GNG4: variants seen among roughly 807,000 people sequenced by gnomAD.
The protein encoded by GNG4 is G protein subunit gamma 4.
GNG4 carries 4 observed loss-of-function variants against 5.8 expected under a neutral mutation model. The observed-to-expected ratio is 0.69, with a 90% CI of 0.34 to 1.57. The LOEUF is 1.57. GNG4 is among the 40% of genes most tolerant of loss of function. The probability of loss-of-function intolerance (pLI) is 0.06; values close to 1 mark genes in which losing one functional copy is unlikely to be tolerated. For missense variants in GNG4, 96 were observed against 95.1 expected (o/e 1.01, Z -0.04); for synonymous variants, 29 against 32.9 (o/e 0.88, Z 0.41).
chr1:235,635,025 C>G (rs1689007265), intron 1 of GNG4, among the ~76,000 whole-genome samples: 1 of 152,152 alleles, frequency 6.6e-6, no homozygotes, highest in Non-Finnish European at 1.5e-5. Flanking sequence ...CGGGTATAGA[C>G]AGTGAATAAA....
At chr1:235,583,718 G>A (rs751023166) in intron 3 of GNG4, 22 bp downstream of exon 3, 20 of 1,477,548 alleles carry the variant, frequency 1.4e-5, no homozygotes, top group Middle Eastern at 1.8e-4. Flanking sequence ...GCGGAGGGTG[G>A]GGCTGACGCA....
intron 1 of GNG4, chr1:235,616,263 C>A: frequency 2.1e-6 from 1 of 486,948 alleles, no homozygotes; most frequent in South Asian, 1.6e-5. Context: ...TTCCCTGAGA[C>A]GAATGAGGTC....
rs1686637440 is a variant in GNG4 at position 235,548,352 on chromosome 1, G to C, written c.*3757C>G. 1 of 152,250 alleles carries C rather than the reference G, an allele frequency of 6.6e-6. No homozygotes were observed. The highest frequency in any genetic ancestry group is 6.5e-5 in the Admixed American group (1 of 15,286). The allele number at this position is 152,250 out of a possible 1,614,324, so 9.4% of individuals were successfully genotyped here. On this transcript the variant is annotated 3_prime_UTR_variant, in exon 4 of 4. Coordinates refer to ENST00000391854, the MANE Select transcript of GNG4 (RefSeq NM_001098722.2). ...GGTGGAGGCGGAGACAGCTCAGCGA[G>C]TCCAAGGAGTGGAGCAGAAATGACA...
chr1:235,612,391 A>G (rs1436832238), intron 1 of GNG4, among the ~76,000 whole-genome samples: 3 of 152,122 alleles, frequency 2.0e-5, no homozygotes, highest in African/African-American at 7.2e-5. Context: ...TCATGGTGCA[A>G]ACAGACGGGG....
At position 235,642,040 on chromosome 1, in the gene GNG4, C is replaced by A. The variant is rs1657343748; in HGVS notation, c.-123+7622G>T. On this transcript the variant is annotated intron_variant, in intron 1 of 3. Coordinates refer to ENST00000391854, the MANE Select transcript of GNG4 (RefSeq NM_001098722.2). This position sits in a 1 kb window ranked among gnomAD's most constrained non-coding sequence, Gnocchi z 4.3. ...TTTTCGCTTCCCCCGCAACTGCCTG[C>A]GTTTTCGTAGCCCTAGAGCTTCCAA... 6.6e-6 allele frequency among the ~76,000 whole-genome samples: 1 copy of A among 152,226 alleles called. No individual in the cohort carries two copies. Among genetic ancestry groups the A allele is most frequent in the African/African-American group, 2.4e-5 (1 of 41,452 alleles).
chr1:235,598,105 G>C (rs1688167960), intron 1 of GNG4, among the ~76,000 whole-genome samples: 1 of 152,108 alleles, frequency 6.6e-6, no homozygotes, highest in South Asian at 2.1e-4. Context: ...CCCACTGTGG[G>C]GAAGCTGTTC....
In GNG4 at chr1:235,628,921, G is replaced by A. The variant is rs531637257; in HGVS notation, c.-123+20741C>T. 3.3e-5 allele frequency among the ~76,000 whole-genome samples: 5 copies of A among 151,844 alleles called. No individual in the cohort carries two copies. The South Asian group carries it at 1.0e-3, about 32-fold the overall frequency. On this transcript the variant is annotated intron_variant, in intron 1 of 3. Coordinates refer to ENST00000391854, the MANE Select transcript of GNG4 (RefSeq NM_001098722.2). ...GGTTCTGAGCAGGACCCAGGAGATG[G>A]ACATGCATTTCCTCTCTGACAAAAC...
chr1:235,594,227 C>T (rs553127973), intron 2 of GNG4, among the ~76,000 whole-genome samples: 24 of 152,280 alleles, frequency 1.6e-4, no homozygotes, highest in African/African-American at 5.5e-4. Context: ...ACCCTGCAAA[C>T]CCTGAGCTAG....
intron 2 of GNG4, among the ~76,000 whole-genome samples, chr1:235,588,628 C>T (rs1211880804): frequency 6.6e-6 from 1 of 152,062 alleles, no homozygotes; most frequent in Non-Finnish European, 1.5e-5. Context: ...CATCAGACAT[C>T]CACAATCCAG....
rs538262070 is a variant in GNG4 at position 235,587,947 on chromosome 1, T to C, written c.-10-4099A>G. On this transcript the variant is annotated intron_variant, in intron 2 of 3. Coordinates refer to ENST00000391854, the MANE Select transcript of GNG4 (RefSeq NM_001098722.2). ...GTGAGTCCTTGAGGATGTGTGCACA[T>C]GTGCACAGGTGGGTCATGTGGCGGG... is the stretch of plus-strand genomic sequence containing the variant. Among the ~76,000 whole-genome samples, 11 of 149,002 alleles carry C rather than the reference T, an allele frequency of 7.4e-5. No individual in the cohort carries two copies. In the South Asian group the frequency reaches 2.1e-3, roughly 29 times the overall value.
intron 2 of GNG4, among the ~76,000 whole-genome samples, chr1:235,590,618 C>G (rs1251128007): frequency 3.3e-5 from 5 of 152,192 alleles, no homozygotes; most frequent in East Asian, 1.9e-4. Flanking sequence ...CACCCTGATT[C>G]TGTGTCTAGG....
At chr1:235,573,692 A>G (rs1200444808) in intron 3 of GNG4, among the ~76,000 whole-genome samples, 2 of 151,988 alleles carry the variant, frequency 1.3e-5, no homozygotes, top group African/African-American at 2.4e-5. Context: ...CAGGAGAATC[A>G]CTTGAACCCG....
chr1:235,591,520 C>A (rs965653306), intron 2 of GNG4, among the ~76,000 whole-genome samples: 1 of 152,216 alleles, frequency 6.6e-6, no homozygotes, highest in African/African-American at 2.4e-5. Flanking sequence ...CCTTTAGGCT[C>A]CACCTGAATA....
chr1:235,613,217 C>T (rs1369566776), intron 1 of GNG4, among the ~76,000 whole-genome samples: 1 of 152,142 alleles, frequency 6.6e-6, no homozygotes, highest in Non-Finnish European at 1.5e-5. Flanking sequence ...CCTAGCTACT[C>T]CCAGTCCATA....
chr1:235,561,787 G>A (rs1052215949), intron 3 of GNG4, among the ~76,000 whole-genome samples: 2 of 152,158 alleles, frequency 1.3e-5, no homozygotes, highest in Non-Finnish European at 2.9e-5. Context: ...CCTTAACAGT[G>A]CTTTTCACTG....
chr1:235,619,202 C>CAT (rs1234405236), intron 1 of GNG4, among the ~76,000 whole-genome samples: 19 of 136,400 alleles, frequency 1.4e-4, no homozygotes, highest in East Asian at 1.1e-3. Flanking sequence ...TACACACACA[C>CAT]ATATATATAT....
At chr1:235,645,786 A>G (rs981264754) in intron 1 of GNG4, among the ~76,000 whole-genome samples, 77 of 142,458 alleles carry the variant, frequency 5.4e-4, no homozygotes, top group Non-Finnish European at 9.8e-4. Flanking sequence ...GACAAGAGGG[A>G]AACTCAGTCT....
intron 1 of GNG4, among the ~76,000 whole-genome samples, chr1:235,618,697 C>T (rs546849260): frequency 4.6e-5 from 7 of 151,320 alleles, no homozygotes; most frequent in South Asian, 4.2e-4. Flanking sequence ...ACTCTGTCAC[C>T]GAGGCTGGAG....
chr1:235,632,865 A>G (rs546786871), intron 1 of GNG4, among the ~76,000 whole-genome samples: 1 of 152,348 alleles, frequency 6.6e-6, no homozygotes, highest in South Asian at 2.1e-4. Context: ...TTTTCATTCT[A>G]GATTAGAAGC....
Sources: gnomAD v4.1 joint callset for allele counts (sites outside exome capture counted in the v4.1 genomes callset) on GRCh38, gnomAD v4.1.1 for gene constraint, Gnocchi (gnomAD v3.1) non-coding constraint, MANE v1.5 for transcripts, NCBI Gene and HGNC (gene_info 2026-07-23, HGNC 2026-07-21) for gene names.